RTL4: variants seen among roughly 807,000 people sequenced by gnomAD.
RTL4 encodes retrotransposon Gag like 4.
In RTL4, 4 loss-of-function variants were observed where a neutral mutation model predicts 5.3. The observed-to-expected ratio is 0.75, with a 90% confidence interval of 0.37 to 1.72. The LOEUF (loss-of-function observed/expected upper bound fraction) is 1.72, where lower values mean the gene tolerates loss of function less well. Among genes scored for constraint, RTL4 ranks in the 40% most tolerant of loss-of-function variants. The probability of loss-of-function intolerance (pLI) is 0.04; values close to 1 mark genes in which losing one functional copy is unlikely to be tolerated. For synonymous variants in RTL4, 98 were observed against 87.3 expected, an observed-to-expected ratio of 1.12 and a Z score of -0.68; for missense variants, 260 against 227.1, an observed-to-expected ratio of 1.14 and a Z score of -0.93.
chrX:112,278,837 A>T, the RTL4 span, among the ~76,000 whole-genome samples: 8 of 111,593 alleles, frequency 7.2e-5, no homozygotes, highest in African/African-American at 2.3e-4. Flanking sequence ...CCAAAAAAAA[A>T]GATACTACCA....
the RTL4 span, among the ~76,000 whole-genome samples, chrX:112,267,063 T>C: frequency 9.0e-6 from 1 of 111,641 alleles, no homozygotes; most frequent in African/African-American, 3.3e-5. Flanking sequence ...ACTGGTTCAT[T>C]CCCAGCACTA....
At chrX:112,243,554 A>AT in the RTL4 span, among the ~76,000 whole-genome samples, 1 of 111,251 alleles carries the variant, frequency 9.0e-6, no homozygotes, top group Non-Finnish European at 1.9e-5. Context: ...CCACTTTATC[A>AT]TTTTTTATTG....
chrX:112,333,073 C>A, the RTL4 span, among the ~76,000 whole-genome samples: 2 of 108,521 alleles, frequency 1.8e-5, no homozygotes, highest in East Asian at 5.7e-4. Context: ...CTTCTGGTTA[C>A]TCCTTCAATG....
the RTL4 span, among the ~76,000 whole-genome samples, chrX:112,323,826 T>C: frequency 4.4e-5 from 5 of 112,452 alleles, no homozygotes; most frequent in Non-Finnish European, 7.5e-5. Context: ...TATCTTTTGT[T>C]CTAAAGAGTA....
At chrX:112,399,525 G>A in the RTL4 span, among the ~76,000 whole-genome samples, 5 of 111,446 alleles carry the variant, frequency 4.5e-5, no homozygotes, top group African/African-American at 1.6e-4. Flanking sequence ...TCTTGATTTT[G>A]ATGCAGCTCA....
chrX:112,279,684 G>C, the RTL4 span, among the ~76,000 whole-genome samples: 1 of 111,190 alleles, frequency 9.0e-6, no homozygotes. Context: ...TGAAGCTAAA[G>C]GGAGAAATCA....
the RTL4 span, among the ~76,000 whole-genome samples, chrX:112,360,260 A>AT: frequency 9.0e-6 from 1 of 111,402 alleles, no homozygotes; most frequent in Non-Finnish European, 1.9e-5. Flanking sequence ...AGACACAAAG[A>AT]TTTTTTGAAG....
the RTL4 span, among the ~76,000 whole-genome samples, chrX:112,149,610 A>G: frequency 1.8e-5 from 2 of 112,135 alleles, no homozygotes; most frequent in African/African-American, 6.5e-5. Context: ...AACAGAAGCA[A>G]TAGTAGGAAC....
the RTL4 span, among the ~76,000 whole-genome samples, chrX:112,102,244 T>C: frequency 3.6e-5 from 4 of 111,708 alleles, no homozygotes; most frequent in East Asian, 1.1e-3. Flanking sequence ...GTTTAAGCAA[T>C]TTGTCCAAGC....
At chrX:112,175,154 C>T in the RTL4 span, among the ~76,000 whole-genome samples, 21 of 107,626 alleles carry the variant, frequency 2.0e-4, no homozygotes, top group African/African-American at 7.1e-4. Context: ...AGTCCTTGCC[C>T]ATGCCTATGT....
the RTL4 span, among the ~76,000 whole-genome samples, chrX:112,267,952 ACT>A: frequency 9.0e-6 from 1 of 110,595 alleles, no homozygotes; most frequent in African/African-American, 3.3e-5. Flanking sequence ...ATCTTACTTG[ACT>A]CTCTGCTTCT....
chrX:112,454,465 G>A (rs1468950930), upstream of RTL4: 1 of 294,744 alleles, frequency 3.4e-6, no homozygotes, highest in Admixed American at 5.7e-5. Flanking sequence ...AGTCCTTTAT[G>A]TGTTCTAAGG....
At chrX:112,233,884 C>A in the RTL4 span, among the ~76,000 whole-genome samples, 2 of 111,626 alleles carry the variant, frequency 1.8e-5, no homozygotes, top group Admixed American at 9.6e-5. Flanking sequence ...GACATGGATG[C>A]CAATTTGCCT....
the RTL4 span, among the ~76,000 whole-genome samples, chrX:112,322,572 T>C: frequency 9.0e-6 from 1 of 111,311 alleles, no homozygotes; most frequent in Non-Finnish European, 1.9e-5. Context: ...TATATATACA[T>C]GAATATCTAA....
chrX:112,261,638 G>A, the RTL4 span, among the ~76,000 whole-genome samples: 2 of 111,351 alleles, frequency 1.8e-5, no homozygotes, highest in Admixed American at 1.9e-4. Flanking sequence ...TATAGATTCA[G>A]TGCCATCCCC....
At chrX:112,423,242 G>A in the RTL4 span, among the ~76,000 whole-genome samples, 1 of 109,982 alleles carries the variant, frequency 9.1e-6, no homozygotes, top group African/African-American at 3.3e-5. Context: ...GGACTTGGTC[G>A]ATGCATGTGG....
At chrX:112,126,771 T>C in the RTL4 span, among the ~76,000 whole-genome samples, 4 of 111,840 alleles carry the variant, frequency 3.6e-5, no homozygotes, top group Non-Finnish European at 7.5e-5. Flanking sequence ...AAGACAATAC[T>C]GTGAACAATT....
At chrX:112,402,046 A>G in the RTL4 span, among the ~76,000 whole-genome samples, 4 of 111,657 alleles carry the variant, frequency 3.6e-5, no homozygotes, top group Non-Finnish European at 7.5e-5. Context: ...AGCTTAGTGT[A>G]CCTTCTTCTC....
the RTL4 span, among the ~76,000 whole-genome samples, chrX:112,327,016 C>T: frequency 8.9e-6 from 1 of 111,903 alleles, no homozygotes; most frequent in Non-Finnish European, 1.9e-5. Flanking sequence ...ACATCACCAT[C>T]ATCAAAGACC....
Sources: allele counts gnomAD v4.1 joint callset (sites outside exome capture counted in the v4.1 genomes callset), GRCh38; gene constraint gnomAD v4.1.1; transcripts MANE v1.5; gene names NCBI Gene and HGNC (gene_info 2026-07-23, HGNC 2026-07-21).